PCDHGB2: variants seen among roughly 807,000 people sequenced by gnomAD.
PCDHGB2 encodes protocadherin gamma subfamily B, 2, also known as protocadherin gamma-B2.
PCDHGB2 carries 55 observed loss-of-function variants against 59.3 expected under a neutral mutation model. The ratio of observed to expected loss-of-function variants is 0.93; its 90% CI spans 0.75 to 1.16. The LOEUF (loss-of-function observed/expected upper bound fraction) is 1.16, where lower values mean the gene tolerates loss of function less well. PCDHGB2 is among the 50% of genes most tolerant of loss of function. PCDHGB2 has a pLI of 0.00. For synonymous variants in PCDHGB2, 516 were observed against 512.0 expected (o/e 1.01, Z -0.11); for missense variants, 1,228 against 1,198.5 (o/e 1.02, Z -0.36).
At chr5:141,374,467 C>T (rs1430397717) in intron 1 of PCDHGB2, 2 of 1,612,694 alleles carry the variant, frequency 1.2e-6, no homozygotes, top group Non-Finnish European at 1.7e-6. Flanking sequence ...ACATTAATGA[C>T]AATACACCCC....
chr5:141,370,865 G>T (rs749306291), intron 1 of PCDHGB2: 1 of 1,614,004 alleles, frequency 6.2e-7, no homozygotes, highest in Non-Finnish European at 8.5e-7. Context: ...TGGAATCTGC[G>T]CAAGATCCTG....
intron 1 of PCDHGB2, among the ~76,000 whole-genome samples, chr5:141,435,157 A>G (rs1387976305): frequency 6.6e-6 from 1 of 152,176 alleles, no homozygotes; most frequent in Non-Finnish European, 1.5e-5. Context: ...AAACTTTTGT[A>G]AATAGAGTGG....
Position 141,389,991 on chromosome 5 carries a change from G to C in PCDHGB2, c.2421+27435G>C, listed in dbSNP as rs561094692. The C allele has an allele frequency of 4.3e-6, 7 of 1,613,898 alleles. No homozygotes were observed. The Admixed American group carries it at 5.0e-5, about 12-fold the overall frequency. ...GGCCTTGATCTCAGTGCTCTTCCTC[G>C]TGGCCATGATTCTGGCCATTGCCTT... On this transcript the variant is annotated intron_variant, in intron 1 of 3. Transcript: ENST00000522605.
chr5:141,364,265 C>T (rs1763247589), intron 1 of PCDHGB2: 3 of 1,511,160 alleles, frequency 2.0e-6, no homozygotes, highest in East Asian at 2.3e-5. Context: ...TACCCATCGG[C>T]TTTAGATAAA....
At position 141,366,074 on chromosome 5, in the gene PCDHGB2, G is replaced by A; in HGVS notation, c.2421+3518G>A. The A allele has an allele frequency of 1.9e-6, 3 of 1,614,218 alleles. No homozygotes were observed. In the South Asian group the frequency reaches 3.3e-5, roughly 18 times the overall value. On this transcript the variant is annotated intron_variant, in intron 1 of 3. Coordinates refer to ENST00000522605, the MANE Select transcript of PCDHGB2 (RefSeq NM_018923.3). Reference sequence around the variant, plus strand: ...GGGCGTGGAGCTGGCGCCTCGCTCCGCAGAACCTGGCTACCTGGTGACCAA... The same window carrying A: ...GGGCGTGGAGCTGGCGCCTCGCTCCACAGAACCTGGCTACCTGGTGACCAA...
intron 1 of PCDHGB2, chr5:141,378,176 C>A (rs541529562): frequency 6.6e-6 from 1 of 152,124 alleles, no homozygotes; most frequent in South Asian, 2.1e-4. Context: ...AACTAAGCAC[C>A]GATGCTGTGT....
In PCDHGB2 at chr5:141,432,365, G is replaced by A. The variant is rs1561860587; in HGVS notation, c.2422-62442G>A. The A allele has an allele frequency of 6.2e-7, 1 of 1,614,224 alleles. No homozygotes were observed. The highest frequency in any genetic ancestry group is 2.2e-5 in the East Asian group (1 of 44,882). ...CTTGCAAGTGAAAGTGATGGCGCGG[G>A]ACAACGGGCACCCGCCCCTCAGCAG... On this transcript the variant is annotated intron_variant, in intron 1 of 3. Transcript: ENST00000522605. The surrounding 1 kb of genome is among the most constrained non-coding windows in gnomAD (Gnocchi z 6.0).
chr5:141,400,558 C>A, intron 1 of PCDHGB2: 1 of 1,613,290 alleles, frequency 6.2e-7, no homozygotes, highest in Non-Finnish European at 8.5e-7. Context: ...TTTTTCATTA[C>A]CCACCCAATT....
At chr5:141,372,457 TAC>T (rs774918013) in intron 1 of PCDHGB2, 3 of 1,614,052 alleles carry the variant, frequency 1.9e-6, no homozygotes, top group Non-Finnish European at 1.7e-6. Flanking sequence ...CAGGCGGAGC[TAC>T]AGTTTCACCT....
At chr5:141,383,600 A>G (rs1429825116) in intron 1 of PCDHGB2, 2 of 1,613,728 alleles carry the variant, frequency 1.2e-6, no homozygotes, top group South Asian at 2.2e-5. Flanking sequence ...ACAGTGGTGG[A>G]TGTGAATGAC....
chr5:141,428,043 A>G, intron 1 of PCDHGB2: 1 of 1,608,722 alleles, frequency 6.2e-7, no homozygotes, highest in Non-Finnish European at 8.5e-7. Flanking sequence ...CTACCTGGTG[A>G]CCAAGGTGGT....
chr5:141,377,724 A>G (rs549902283), intron 1 of PCDHGB2: 1 of 152,362 alleles, frequency 6.6e-6, no homozygotes, highest in South Asian at 2.1e-4. Flanking sequence ...TTTTGAAAAG[A>G]TAAGAATCAT....
chr5:141,366,874 A>G, intron 1 of PCDHGB2: 2 of 1,387,376 alleles, frequency 1.4e-6, no homozygotes, highest in East Asian at 4.7e-5. Context: ...TGTATTGGAG[A>G]TTAATTTTTT....
In PCDHGB2 at chr5:141,409,580, C is replaced by T. The variant is rs969743613; in HGVS notation, c.2421+47024C>T. The T allele has an allele frequency of 3.7e-6, 6 of 1,613,922 alleles. No homozygotes were observed. The Admixed American group carries it at 8.3e-5, about 22-fold the overall frequency. The stretch of plus-strand genomic sequence containing the variant: ...TTTCGACCAGACGTCCTACGTGGTC[C>T]ACGTGGCCGAGAACAACCCGCCAGG... On this transcript the variant is annotated intron_variant, in intron 1 of 3. Transcript: ENST00000522605.
chr5:141,361,803 T>C lies in PCDHGB2; in HGVS notation c.1668T>C (p.Asn556=). ...VSLRVLVGDL[N]DNAPRVLYPA... ...TGCGCGTGTTAGTGGGCGACCTCAA[T>C]GACAATGCGCCACGGGTGCTGTACC... Residue 556 remains asparagine (N), a synonymous_variant, in exon 1 of 4, where the codon AAT becomes AAC. Coordinates refer to ENST00000522605, the MANE Select transcript of PCDHGB2 (RefSeq NM_018923.3). The C allele has an allele frequency of 6.2e-7, 1 of 1,613,164 alleles. No homozygotes were observed. The highest frequency in any genetic ancestry group is 8.5e-7 in the Non-Finnish European group (1 of 1,179,726).
chr5:141,490,846 G>T lies in PCDHGB2; in HGVS notation c.2422-3961G>T. 1 of 1,613,880 alleles carries T rather than the reference G, an allele frequency of 6.2e-7. No individual in the cohort carries two copies. Among genetic ancestry groups the T allele is most frequent in the Non-Finnish European group, 8.5e-7 (1 of 1,179,906 alleles). ...GCAGATGCTGCAGATTGTGGTGGGG[G>T]TTCGAGACTCCGGCTCTCCCCCATT... On this transcript the variant is annotated intron_variant, in intron 1 of 3. Coordinates refer to ENST00000522605, the MANE Select transcript of PCDHGB2 (RefSeq NM_018923.3). This position sits in a 1 kb window ranked among gnomAD's most constrained non-coding sequence, Gnocchi z 5.4.
Position 141,478,910 on chromosome 5 carries a change from A to G in PCDHGB2, c.2422-15897A>G, listed in dbSNP as rs568573298. On this transcript the variant is annotated intron_variant, in intron 1 of 3. Transcript: ENST00000522605. ...ATTTACATTAGGAATAAGCTGCTGG[A>G]TACCTCTAACCAGTGGCAGCTTCTA... 5.3e-4 allele frequency: 474 copies of G among 893,806 alleles called. 7 individuals are homozygous for G. The South Asian group carries it at 6.8e-3, about 13-fold the overall frequency. 55.4% of individuals were successfully genotyped at this position (893,806 alleles called of 1,614,324 possible).
At chr5:141,446,595 GCCTCC>G (rs2098508132) in intron 1 of PCDHGB2, among the ~76,000 whole-genome samples, 2 of 152,012 alleles carry the variant, frequency 1.3e-5, no homozygotes, top group South Asian at 4.1e-4. Context: ...TTCTGCCTCA[GCCTCC>G]TGAGTAGCTG....
At chr5:141,478,355 G>T (rs1193169527) in intron 1 of PCDHGB2, 7 of 1,613,742 alleles carry the variant, frequency 4.3e-6, no homozygotes, top group Non-Finnish European at 5.1e-6. Flanking sequence ...CGCGGACGCC[G>T]TGCGGGGAGG....
Sources: allele counts gnomAD v4.1 joint callset (sites outside exome capture counted in the v4.1 genomes callset), GRCh38; gene constraint gnomAD v4.1.1; non-coding constraint Gnocchi (gnomAD v3.1); transcripts MANE v1.5; gene names NCBI Gene and HGNC (gene_info 2026-07-23, HGNC 2026-07-21).